Variants in CFAP44 observed in about 807,000 individuals in gnomAD.
The protein encoded by CFAP44 is cilia and flagella associated protein 44.
Under a neutral mutation model 216.2 loss-of-function variants are expected in CFAP44, and 134 were observed. The ratio of observed to expected loss-of-function variants is 0.62; its 90% CI spans 0.54 to 0.72. The LOEUF (loss-of-function observed/expected upper bound fraction) is 0.72. Among genes scored for constraint, CFAP44 ranks in the 30% least tolerant of loss-of-function variants. CFAP44 has a pLI of 0.00. For missense variants in CFAP44, 2,035 were observed against 2,182.1 expected (o/e 0.93, Z 1.34); for synonymous variants, 700 against 727.6 (o/e 0.96, Z 0.61).
At chr3:113,314,765 T>C (rs1950071388) in intron 28 of CFAP44, among the ~76,000 whole-genome samples, 1 of 152,094 alleles carries the variant, frequency 6.6e-6, no homozygotes, top group South Asian at 2.1e-4. Context: ...GGTAAAGGGA[T>C]GTAATGGTAA....
chr3:113,404,201 T>C (rs1373663852), intron 8 of CFAP44, 185 bp from the exon 9 acceptor site: 3 of 648,776 alleles, frequency 4.6e-6, no homozygotes, highest in Non-Finnish European at 7.4e-6. Flanking sequence ...CAATAACATT[T>C]TGATGTATTT....
At chr3:113,330,701 C>T (rs1282684137) in intron 25 of CFAP44, 33 bp from the exon 26 acceptor site, 3 of 1,501,784 alleles carry the variant, frequency 2.0e-6, no homozygotes, top group Non-Finnish European at 2.6e-6. Context: ...AACAACAGTA[C>T]AACCCTCTGA....
intron 22 of CFAP44, among the ~76,000 whole-genome samples, chr3:113,353,968 A>G (rs900691364): frequency 6.6e-6 from 1 of 152,170 alleles, no homozygotes; most frequent in African/African-American, 2.4e-5. Flanking sequence ...AAACCTGATA[A>G]TACATGGGAC....
At chr3:113,361,537 C>G (rs1484424427) in intron 21 of CFAP44, among the ~76,000 whole-genome samples, 1 of 150,666 alleles carries the variant, frequency 6.6e-6, no homozygotes, top group Non-Finnish European at 1.5e-5. Context: ...CTCTGTCCCC[C>G]AGGCTGGAGT....
At chr3:113,293,636 G>A (rs1217915262) in intron 34 of CFAP44, among the ~76,000 whole-genome samples, 3 of 152,086 alleles carry the variant, frequency 2.0e-5, no homozygotes, top group African/African-American at 4.8e-5. Context: ...TGAAGATTTG[G>A]GTTAGGTATT....
At chr3:113,384,938 C>T (rs1933606999) in intron 15 of CFAP44, among the ~76,000 whole-genome samples, 1 of 152,098 alleles carries the variant, frequency 6.6e-6, no homozygotes, top group African/African-American at 2.4e-5. Context: ...GGCTGTGTCC[C>T]CACCCAAGTT....
intron 22 of CFAP44, among the ~76,000 whole-genome samples, chr3:113,350,568 T>C (rs1474274466): frequency 1.3e-5 from 2 of 152,142 alleles, no homozygotes; most frequent in East Asian, 3.9e-4. Flanking sequence ...CTTATAACAC[T>C]CCAATACCAC....
At chr3:113,350,661 G>T (rs1347350255) in intron 22 of CFAP44, among the ~76,000 whole-genome samples, 1 of 152,184 alleles carries the variant, frequency 6.6e-6, no homozygotes, top group Non-Finnish European at 1.5e-5. Flanking sequence ...GAGATCCTTG[G>T]CCCAGTGGCC....
At chr3:113,327,152 T>C (rs893403015) in intron 27 of CFAP44, among the ~76,000 whole-genome samples, 8 of 152,126 alleles carry the variant, frequency 5.3e-5, no homozygotes, top group Admixed American at 2.0e-4. Flanking sequence ...TATACAAATA[T>C]AACAAATAAA....
At chr3:113,363,001 C>A in intron 21 of CFAP44, 144 bp downstream of exon 21, 3 of 1,373,048 alleles carry the variant, frequency 2.2e-6, no homozygotes, top group South Asian at 2.1e-5. Flanking sequence ...TAAAAGATGC[C>A]CAAAATAAAT....
chr3:113,357,893 G>A (rs569062744), intron 22 of CFAP44, among the ~76,000 whole-genome samples: 27 of 152,194 alleles, frequency 1.8e-4, no homozygotes, highest in African/African-American at 6.0e-4. Context: ...CGTACACAAT[G>A]TTCATAGTAG....
intron 8 of CFAP44, 33 bp from the exon 9 acceptor site, chr3:113,404,049 TA>T: frequency 6.3e-7 from 1 of 1,595,730 alleles, no homozygotes; most frequent in Non-Finnish European, 8.5e-7. Context: ...AAATGTGCAT[TA>T]AAACAGGTAA....
chr3:113,419,309 A>C (rs1219028859), intron 5 of CFAP44, among the ~76,000 whole-genome samples: 2 of 151,780 alleles, frequency 1.3e-5, no homozygotes, highest in African/African-American at 4.8e-5. Flanking sequence ...TTTTCTTTTT[A>C]CAAATATAGG....
In CFAP44 at chr3:113,363,489, G is replaced by C. The variant is rs1191968257; in HGVS notation, c.2759C>G (p.Pro920Arg). ...TEPIPEDIED[P>R]KAYSIENARR... ...AAAATTCCCATACCTGTAGGCTTTG[G>C]GATCTTCAATGTCTTCTGGAATTGG... is the stretch of plus-strand genomic sequence containing the variant. Residue 920 changes from proline to arginine, a missense_variant, in exon 20 of 35, where the codon CCC becomes CGC. Around this residue, in one of 3 missense-constraint regions of CFAP44, gnomAD observed 1,883 missense variants for 2,023.7 expected, o/e 0.93. Transcript: ENST00000393845. The C allele has an allele frequency of 1.2e-6, 2 of 1,610,802 alleles. No individual in the cohort carries two copies. Among genetic ancestry groups the C allele is most frequent in the African/African-American group, 2.7e-5 (2 of 74,934 alleles).
At chr3:113,376,560 T>C (rs751456381) in intron 17 of CFAP44, among the ~76,000 whole-genome samples, 30 of 152,140 alleles carry the variant, frequency 2.0e-4, no homozygotes, top group Non-Finnish European at 4.0e-4. Flanking sequence ...TGTAATGTCT[T>C]AGAAGCCAAG....
chr3:113,414,359 C>A (rs1213963896), intron 6 of CFAP44, among the ~76,000 whole-genome samples: 1 of 152,144 alleles, frequency 6.6e-6, no homozygotes, highest in Non-Finnish European at 1.5e-5. Context: ...ATTTCTTTCT[C>A]TTGCCTGATT....
intron 15 of CFAP44, among the ~76,000 whole-genome samples, chr3:113,390,047 A>G (rs1252693372): frequency 6.6e-6 from 1 of 152,212 alleles, no homozygotes; most frequent in Non-Finnish European, 1.5e-5. Flanking sequence ...CACATCATAA[A>G]AAGAAAACTA....
chr3:113,328,778 A>G (rs1219298903), intron 26 of CFAP44, among the ~76,000 whole-genome samples: 4 of 150,422 alleles, frequency 2.7e-5, no homozygotes, highest in African/African-American at 7.3e-5. Flanking sequence ...TCTATAGACT[A>G]TATGTTTGGG....
At chr3:113,321,443 T>C (rs1412922204) in intron 28 of CFAP44, among the ~76,000 whole-genome samples, 1 of 152,200 alleles carries the variant, frequency 6.6e-6, no homozygotes, top group Non-Finnish European at 1.5e-5. Flanking sequence ...CTGGAACCAT[T>C]CTTCTTGAGA....
Sources: allele counts gnomAD v4.1 joint callset (sites outside exome capture counted in the v4.1 genomes callset), GRCh38; gene constraint gnomAD v4.1.1; regional missense constraint gnomAD v4.1.1; transcripts MANE v1.5; gene names NCBI Gene and HGNC (gene_info 2026-07-23, HGNC 2026-07-21).